AK7: variants seen among roughly 807,000 people sequenced by gnomAD.
The protein encoded by AK7 is adenylate kinase 7.
AK7 carries 78 observed loss-of-function variants against 96.6 expected under a neutral mutation model. That is an observed-to-expected ratio of 0.81 (90% CI 0.67 to 0.97). AK7 has a LOEUF of 0.97. Among genes scored for constraint, AK7 ranks in the 50% least tolerant of loss-of-function variants. AK7 has a pLI of 0.00. For synonymous variants in AK7, 302 were observed against 317.2 expected, an observed-to-expected ratio of 0.95 and a Z score of 0.51; for missense variants, 855 against 887.9, an observed-to-expected ratio of 0.96 and a Z score of 0.47.
chr14:96,412,260 C>T (rs1891080679), intron 4 of AK7, among the ~76,000 whole-genome samples: 1 of 137,060 alleles, frequency 7.3e-6, no homozygotes, highest in Non-Finnish European at 1.5e-5. Context: ...TGAAGTCTTA[C>T]TCTGTTGTTC....
chr14:96,446,324 C>T (rs914684874), intron 7 of AK7, among the ~76,000 whole-genome samples, 193 bp from the exon 8 acceptor site: 1 of 152,168 alleles, frequency 6.6e-6, no homozygotes, highest in African/African-American at 2.4e-5. Context: ...GAAATGTCAC[C>T]GAACCCTTTA....
chr14:96,427,508 T>C (rs1892097006), intron 5 of AK7, among the ~76,000 whole-genome samples: 1 of 152,194 alleles, frequency 6.6e-6, no homozygotes, highest in Non-Finnish European at 1.5e-5. Context: ...CATGAGCCAA[T>C]CACTTCCCAC....
chr14:96,445,998 C>T (rs550740566), intron 7 of AK7, among the ~76,000 whole-genome samples: 72 of 152,322 alleles, frequency 4.7e-4, no homozygotes, highest in Non-Finnish European at 8.1e-4. Flanking sequence ...AGCAAGCGCT[C>T]GGAAACCTTG....
At chr14:96,407,993 C>A (rs1890821267) in intron 3 of AK7, among the ~76,000 whole-genome samples, 1 of 152,118 alleles carries the variant, frequency 6.6e-6, no homozygotes, top group South Asian at 2.1e-4. Context: ...TGCAAAGCAG[C>A]AAACCCTTTG....
In AK7 at chr14:96,489,272, C is replaced by T. The variant is rs1169661779; in HGVS notation, c.*929C>T. Reference sequence around the variant, plus strand: ...CACAATGATCTGCAGCCACCACTATCTAGTCCAGAACTTTCTCATCACCCC... The same window carrying T: ...CACAATGATCTGCAGCCACCACTATTTAGTCCAGAACTTTCTCATCACCCC... On this transcript the variant is annotated 3_prime_UTR_variant, in exon 18 of 18. Transcript: ENST00000267584. 6.6e-6 allele frequency: 1 copy of T among 152,218 alleles called. No individual in the cohort carries two copies. Among genetic ancestry groups the T allele is most frequent in the Non-Finnish European group, 1.5e-5 (1 of 68,052 alleles). The allele number at this position is 152,218 out of a possible 1,614,324, so 9.4% of individuals were successfully genotyped here. A position where few individuals can be genotyped will look rare whatever the true frequency, so the allele number is the denominator to read the frequency against.
chr14:96,394,621 C>G (rs1247270554), intron 1 of AK7, among the ~76,000 whole-genome samples: 3 of 152,096 alleles, frequency 2.0e-5, no homozygotes, highest in Non-Finnish European at 4.4e-5. Flanking sequence ...TTTGGTTTAT[C>G]CTCTAAATTC....
chr14:96,486,019 C>T (rs374061171), intron 16 of AK7, among the ~76,000 whole-genome samples: 5 of 152,106 alleles, frequency 3.3e-5, no homozygotes, highest in East Asian at 1.9e-4. Context: ...CTCCTGACCT[C>T]GTGATCCACC....
chr14:96,409,771 C>T (rs1286220501), intron 4 of AK7, among the ~76,000 whole-genome samples: 1 of 152,224 alleles, frequency 6.6e-6, no homozygotes, highest in Admixed American at 6.5e-5. Context: ...CCAACATTCT[C>T]TTGACTAATG....
intron 5 of AK7, among the ~76,000 whole-genome samples, chr14:96,427,281 A>T (rs1429963950): frequency 6.6e-6 from 1 of 152,170 alleles, no homozygotes; most frequent in East Asian, 1.9e-4. Context: ...TAATTGACTC[A>T]CAGCACAGTT....
Position 96,456,437 on chromosome 14 carries a change from CA to C in AK7, c.1191del (p.Gln397HisfsTer2). ...CAACTACTACAAACTGCATCACATC[CA>C]ACTGAAGGATGTCATTTCTGAAGCC... ...LANYYKLHHI[Q>X]LKDVISEAIA... is the part of the protein sequence containing the mutation. On this transcript the variant is annotated frameshift_variant, in exon 11 of 18. Coordinates refer to ENST00000267584, the MANE Select transcript of AK7 (RefSeq NM_152327.5). LOFTEE classifies it high-confidence loss of function. 1 of 1,613,862 alleles carries C rather than the reference CA, an allele frequency of 6.2e-7. No homozygotes were observed. Among genetic ancestry groups the C allele is most frequent in the African/African-American group, 1.3e-5 (1 of 75,016 alleles).
At chr14:96,427,311 C>T (rs985452705) in intron 5 of AK7, among the ~76,000 whole-genome samples, 4 of 152,100 alleles carry the variant, frequency 2.6e-5, no homozygotes, top group African/African-American at 9.7e-5. Context: ...GTACAGGAAG[C>T]ATGTTTGGGG....
rs539578255 is a variant in AK7, at chr14:96,464,609, A to G, written c.1357+6397A>G. On this transcript the variant is annotated intron_variant, in intron 12 of 17. Transcript: ENST00000267584. ...ATAGTGTACTTTATTATAAAGGCTT[A>G]TGGTCAACTTGTGACAGGCTATTAG... Among the ~76,000 whole-genome samples, 115 of 149,592 alleles carry G rather than the reference A, an allele frequency of 7.7e-4. No individual in the cohort carries two copies. In the Middle Eastern group the frequency reaches 0.011, roughly 14 times the overall value.
At position 96,487,064 on chromosome 14, in the gene AK7, A is replaced by G; in HGVS notation, c.2133+8A>G. 1 of 1,613,774 alleles carries G rather than the reference A, an allele frequency of 6.2e-7. No homozygotes were observed. Among genetic ancestry groups the G allele is most frequent in the Non-Finnish European group, 8.5e-7 (1 of 1,179,944 alleles). On this transcript the variant is annotated splice_region_variant and intron_variant, in intron 17 of 17. Coordinates refer to ENST00000267584, the MANE Select transcript of AK7 (RefSeq NM_152327.5). Reference sequence around the variant, plus strand: ...GACCCTGTTGATTTTCTGGTAACATATTTAATTTTTAAAAAAAGATCAATT... The same window carrying G: ...GACCCTGTTGATTTTCTGGTAACATGTTTAATTTTTAAAAAAAGATCAATT...
intron 12 of AK7, among the ~76,000 whole-genome samples, chr14:96,464,877 C>A (rs1894470979): frequency 6.6e-6 from 1 of 152,154 alleles, no homozygotes; most frequent in African/African-American, 2.4e-5. Context: ...GGGAATGTCA[C>A]CCAGCAGGTT....
intron 10 of AK7, among the ~76,000 whole-genome samples, chr14:96,454,715 C>A (rs1016906672): frequency 1.3e-5 from 2 of 150,754 alleles, no homozygotes; most frequent in African/African-American, 2.4e-5. Flanking sequence ...CTGAAGCTGG[C>A]CTCGTTTTTT....
chr14:96,415,731 T>C (rs1891292953), intron 4 of AK7, among the ~76,000 whole-genome samples: 1 of 150,014 alleles, frequency 6.7e-6, no homozygotes, highest in South Asian at 2.1e-4. Context: ...TAATAAATTT[T>C]AATACATTAA....
intron 3 of AK7, among the ~76,000 whole-genome samples, chr14:96,406,040 C>A (rs569374214): frequency 7.2e-6 from 1 of 139,640 alleles, no homozygotes; most frequent in African/African-American, 2.7e-5. Flanking sequence ...TGTTTCATGT[C>A]CCCCCAAAGC....
At chr14:96,423,765 C>G (rs1891852352) in intron 5 of AK7, 3 of 731,260 alleles carry the variant, frequency 4.1e-6, no homozygotes, top group Non-Finnish European at 7.7e-6. Context: ...CACGTGCCGG[C>G]CACCGGGACC....
At chr14:96,425,731 G>C (rs1232094745) in intron 5 of AK7, among the ~76,000 whole-genome samples, 2 of 152,076 alleles carry the variant, frequency 1.3e-5, no homozygotes, top group Admixed American at 6.5e-5. Flanking sequence ...TGATTCACCT[G>C]CCTCGGCCTC....
Sources: allele counts gnomAD v4.1 joint callset (sites outside exome capture counted in the v4.1 genomes callset), GRCh38; gene constraint gnomAD v4.1.1; transcripts MANE v1.5; gene names NCBI Gene and HGNC (gene_info 2026-07-23, HGNC 2026-07-21).